UTRN: variants seen among roughly 807,000 people sequenced by gnomAD.
The protein encoded by UTRN is dystrophin-related protein 1.
In UTRN, 283 loss-of-function variants were observed where a neutral mutation model predicts 463.9. That is an observed-to-expected ratio of 0.61 (90% CI 0.55 to 0.67). The LOEUF (loss-of-function observed/expected upper bound fraction) is 0.67. UTRN is among the 30% of genes least tolerant of loss of function. The pLI, the probability that UTRN is intolerant of heterozygous loss-of-function variation, is 0.00. For missense variants in UTRN, 3,922 were observed against 4,084.3 expected, an observed-to-expected ratio of 0.96 and a Z score of 1.08; for synonymous variants, 1,442 against 1,431.5, an observed-to-expected ratio of 1.01 and a Z score of -0.17.
At chr6:144,538,669 CAAAA>C (rs58250042) in intron 44 of UTRN, among the ~76,000 whole-genome samples, 4 of 79,308 alleles carry the variant, frequency 5.0e-5, no homozygotes, top group African/African-American at 8.8e-5. Context: ...GACTCCGTCT[CAAAA>C]AAAAAAAAAA....
chr6:144,824,605 TATATATATC>T lies in UTRN; in HGVS notation c.9495-2742_9495-2734del, dbSNP rs1562955047. ...ATATATATATATATATATATATATA[TATATATATC>T]TTTTTTTTTTTTTTTTTTTTTTTGA... On this transcript the variant is annotated intron_variant, in intron 66 of 74. Coordinates refer to ENST00000367545, the MANE Select transcript of UTRN (RefSeq NM_007124.3). Among the ~76,000 whole-genome samples, 152 of 49,998 alleles carry T rather than the reference TATATATATC, an allele frequency of 3.0e-3. 1 individual carries two copies. The highest frequency in any genetic ancestry group is 9.4e-3 in the East Asian group (6 of 636). 32.8% of individuals were successfully genotyped at this position (49,998 alleles called of 152,430 possible).
intron 65 of UTRN, among the ~76,000 whole-genome samples, chr6:144,810,484 A>G (rs1254074058): frequency 3.3e-5 from 5 of 152,222 alleles, no homozygotes; most frequent in Non-Finnish European, 7.3e-5. Context: ...CACAGAATCC[A>G]CTGTAATGGA....
chr6:144,436,704 T>C (rs929179371), intron 10 of UTRN, among the ~76,000 whole-genome samples: 2 of 148,892 alleles, frequency 1.3e-5, no homozygotes, highest in Non-Finnish European at 3.0e-5. Context: ...ATAATATAAG[T>C]GGTAATATCT....
rs142133182 is a variant in UTRN at position 144,825,163 on chromosome 6, G to A, written c.9495-2185G>A. Among the ~76,000 whole-genome samples the A allele has an allele frequency of 2.6e-3, 395 of 152,192 alleles. 2 individuals are homozygous for A. The highest frequency in any genetic ancestry group is 8.4e-3 in the African/African-American group (348 of 41,538). ...GCTAGGATTACAGGCACAAGCTACC[G>A]AGGCTGGCCTGGGTTACATTTCATA... On this transcript the variant is annotated intron_variant, in intron 66 of 74. Transcript: ENST00000367545.
At chr6:144,419,566 A>T (rs1054425287) in intron 3 of UTRN, among the ~76,000 whole-genome samples, 4 of 152,228 alleles carry the variant, frequency 2.6e-5, no homozygotes, top group African/African-American at 9.7e-5. Flanking sequence ...TGTGTTCACT[A>T]CTTGGGCAAT....
chr6:144,514,892 A>G (rs1795480640), intron 37 of UTRN, 72 bp downstream of exon 37: 1 of 1,407,150 alleles, frequency 7.1e-7, no homozygotes, highest in East Asian at 2.4e-5. Flanking sequence ...CATACAGTAC[A>G]TACATCAACA....
chr6:144,513,882 G>T (rs1012292336), intron 35 of UTRN, 27 bp from the exon 36 acceptor site: 1 of 1,607,856 alleles, frequency 6.2e-7, no homozygotes, highest in Non-Finnish European at 8.5e-7. Context: ...ATATGGTTAT[G>T]TAAGCATTTT....
chr6:144,662,475 A>G (rs1401641697), intron 51 of UTRN, among the ~76,000 whole-genome samples: 2 of 152,336 alleles, frequency 1.3e-5, no homozygotes, highest in South Asian at 4.1e-4. Flanking sequence ...TTTACCCTCA[A>G]TTCTCAGTCC....
In UTRN at chr6:144,754,873, C is replaced by T. The variant is rs1277584809; in HGVS notation, c.8434+75C>T. 8 of 1,398,472 alleles carry T rather than the reference C, an allele frequency of 5.7e-6. No homozygotes were observed. The East Asian group carries it at 7.0e-5, about 12-fold the overall frequency. 86.6% of individuals were successfully genotyped at this position (1,398,472 alleles called of 1,614,324 possible). A position where few individuals can be genotyped will look rare whatever the true frequency, so the allele number is the denominator to read the frequency against. ...TTTCTTTCACTTTAATTGAAGAAGC[C>T]GTATTCCTTGCTATAAATATGTTTA... is the stretch of plus-strand genomic sequence containing the variant. On this transcript the variant is annotated intron_variant, in intron 57 of 74. Transcript: ENST00000367545.
At chr6:144,420,810 G>T (rs115340797) in intron 3 of UTRN, among the ~76,000 whole-genome samples, 1 of 152,158 alleles carries the variant, frequency 6.6e-6, no homozygotes, top group Non-Finnish European at 1.5e-5. Context: ...GATGTGAGAC[G>T]CAGTGATGAA....
At chr6:144,584,349 TAG>T (rs1429780778) in intron 51 of UTRN, among the ~76,000 whole-genome samples, 3 of 152,168 alleles carry the variant, frequency 2.0e-5, no homozygotes, top group Non-Finnish European at 4.4e-5. Context: ...TTGTCAAAAT[TAG>T]AGTGTTTTGA....
chr6:144,530,779 C>T (rs560207129), intron 41 of UTRN, among the ~76,000 whole-genome samples: 21 of 151,572 alleles, frequency 1.4e-4, no homozygotes, highest in Admixed American at 7.2e-4. Flanking sequence ...TGTGTGTATA[C>T]GTGAGTGTGC....
intron 2 of UTRN, among the ~76,000 whole-genome samples, chr6:144,305,260 T>C (rs1584214773): frequency 6.6e-6 from 1 of 152,226 alleles, no homozygotes; most frequent in Non-Finnish European, 1.5e-5. Context: ...TTGCACAATG[T>C]ATTGAATGGT....
intron 53 of UTRN, among the ~76,000 whole-genome samples, chr6:144,700,779 G>A (rs1784511526): frequency 6.6e-6 from 1 of 151,406 alleles, no homozygotes; most frequent in South Asian, 2.1e-4. Flanking sequence ...TGTCACCCAG[G>A]TTGGAGTGCA....
chr6:144,550,192 A>G (rs773106774), intron 47 of UTRN, among the ~76,000 whole-genome samples: 6 of 152,192 alleles, frequency 3.9e-5, no homozygotes, highest in Non-Finnish European at 8.8e-5. Context: ...AGTGATCAGT[A>G]TTCATTACCA....
At chr6:144,463,481 TGCCTGTGAGAAA>T (rs1488122775) in intron 23 of UTRN, among the ~76,000 whole-genome samples, 1 of 152,178 alleles carries the variant, frequency 6.6e-6, no homozygotes, top group Admixed American at 6.5e-5. Context: ...TTTAACATTC[TGCCTGTGAGAAA>T]GATGGAGAAG....
At chr6:144,621,447 T>C (rs1775370748) in intron 51 of UTRN, among the ~76,000 whole-genome samples, 1 of 25,154 alleles carries the variant, frequency 4.0e-5, no homozygotes, top group South Asian at 3.8e-3. Context: ...ATATCAAATG[T>C]ATCTTATCAG....
chr6:144,652,419 C>T (rs535893930), intron 51 of UTRN, among the ~76,000 whole-genome samples: 4 of 152,246 alleles, frequency 2.6e-5, no homozygotes, highest in East Asian at 1.9e-4. Context: ...GATCCATGTA[C>T]GAAGGTGCTA....
rs1019532571 is a variant in UTRN at position 144,495,315 on chromosome 6, G to A, written c.4593+1859G>A. On this transcript the variant is annotated intron_variant, in intron 33 of 74. Coordinates refer to ENST00000367545, the MANE Select transcript of UTRN (RefSeq NM_007124.3). Reference sequence around the variant, plus strand: ...CCCCGCAGGAAGGCAGCTAAGGCCCGGTGAGAAATTGAGCGCAGCGCCGGT... The same window carrying A: ...CCCCGCAGGAAGGCAGCTAAGGCCCAGTGAGAAATTGAGCGCAGCGCCGGT... Among the ~76,000 whole-genome samples, 5 of 152,240 alleles carry A rather than the reference G, an allele frequency of 3.3e-5. No homozygotes were observed. The East Asian group carries it at 5.8e-4, about 18-fold the overall frequency.
Sources: allele counts gnomAD v4.1 joint callset (sites outside exome capture counted in the v4.1 genomes callset), GRCh38; gene constraint gnomAD v4.1.1; transcripts MANE v1.5; gene names NCBI Gene and HGNC (gene_info 2026-07-23, HGNC 2026-07-21).